Variants in EFNA2 observed in about 807,000 individuals in gnomAD.
EFNA2 encodes the protein ephrin A2, also known as ephrin-A2.
In EFNA2, 18 loss-of-function variants were observed where a neutral mutation model predicts 19.7. The ratio of observed to expected loss-of-function variants is 0.91; its 90% CI spans 0.63 to 1.35. The LOEUF is 1.35. Ranked by LOEUF, EFNA2 falls within the 40% of genes most tolerant of loss-of-function variation. EFNA2 has a pLI of 0.00. For missense variants in EFNA2, 303 were observed against 296.0 expected, an observed-to-expected ratio of 1.02 and a Z score of -0.17; for synonymous variants, 187 against 137.8, an observed-to-expected ratio of 1.36 and a Z score of -2.50.
In EFNA2 at chr19:1,300,044, A is replaced by C; in HGVS notation, c.*99A>C. On this transcript the variant is annotated 3_prime_UTR_variant, in exon 4 of 4. Coordinates refer to ENST00000215368, the MANE Select transcript of EFNA2 (RefSeq NM_001405.4). ...GGCTGCGGCCCCCGCCTCCGAGACCAAATAGAGACGCTGCTTCTCCCTCGC... is the reference window on the plus strand; with the variant it reads ...GGCTGCGGCCCCCGCCTCCGAGACCCAATAGAGACGCTGCTTCTCCCTCGC... 1 of 1,424,698 alleles carries C rather than the reference A, an allele frequency of 7.0e-7. No individual in the cohort carries two copies. The highest frequency in any genetic ancestry group is 9.2e-7 in the Non-Finnish European group (1 of 1,082,792). 88.3% of individuals were successfully genotyped at this position (1,424,698 alleles called of 1,614,324 possible).
rs1259672717 is a variant in EFNA2 at position 1,287,503 on chromosome 19, G to A, written c.140+1195G>A. 1.3e-5 allele frequency among the ~76,000 whole-genome samples: 2 copies of A among 152,106 alleles called. No homozygotes were observed. The highest frequency in any genetic ancestry group is 2.1e-4 in the South Asian group (1 of 4,826). ...GTCCCCTCTGTCTCCTGCTGTCCTCGGTCCCCGGGAGGAAAGTTGCATGAA... is the reference window on the plus strand; with the variant it reads ...GTCCCCTCTGTCTCCTGCTGTCCTCAGTCCCCGGGAGGAAAGTTGCATGAA... On this transcript the variant is annotated intron_variant, in intron 1 of 3. Coordinates refer to ENST00000215368, the MANE Select transcript of EFNA2 (RefSeq NM_001405.4). This position sits in a 1 kb window ranked among gnomAD's most constrained non-coding sequence, Gnocchi z 6.2.
rs2081471940 is a variant in EFNA2 at position 1,287,598 on chromosome 19, C to T, written c.140+1290C>T. Reference sequence around the variant, plus strand: ...CCGCCGTGGGGGTGGGGAACACGCACAGGCCCACCCCCCACCCTGGTCAAC... The same window carrying T: ...CCGCCGTGGGGGTGGGGAACACGCATAGGCCCACCCCCCACCCTGGTCAAC... On this transcript the variant is annotated intron_variant, in intron 1 of 3. Coordinates refer to ENST00000215368, the MANE Select transcript of EFNA2 (RefSeq NM_001405.4). This position sits in a 1 kb window ranked among gnomAD's most constrained non-coding sequence, Gnocchi z 6.2. Among the ~76,000 whole-genome samples the T allele has an allele frequency of 6.6e-6, 1 of 152,080 alleles. No individual in the cohort carries two copies. Among genetic ancestry groups the T allele is most frequent in the Non-Finnish European group, 1.5e-5 (1 of 67,976 alleles).
chr19:1,293,836 C>T lies in EFNA2; in HGVS notation c.141-1709C>T, dbSNP rs567823307. ...GGGGAAACTGAGGCGCAAGTGAGCA[C>T]ACCTGTCTGCCCCTTCTCACCCCTG... On this transcript the variant is annotated intron_variant, in intron 1 of 3. Coordinates refer to ENST00000215368, the MANE Select transcript of EFNA2 (RefSeq NM_001405.4). Among the ~76,000 whole-genome samples the T allele has an allele frequency of 2.6e-5, 4 of 152,376 alleles. No homozygotes were observed. The East Asian group carries it at 7.7e-4, about 29-fold the overall frequency.
chr19:1,293,206 G>C (rs2081499254), intron 1 of EFNA2, among the ~76,000 whole-genome samples: 1 of 152,238 alleles, frequency 6.6e-6, no homozygotes, highest in South Asian at 2.1e-4. Flanking sequence ...TCCCAGGCGG[G>C]AGCTGGGCCT....
intron 1 of EFNA2, among the ~76,000 whole-genome samples, chr19:1,288,606 C>T (rs1249895869): frequency 2.0e-5 from 3 of 152,062 alleles, no homozygotes; most frequent in African/African-American, 4.8e-5. Context: ...CCTGCAGGCC[C>T]GGGCAGTGCC....
rs539569407 is a variant in EFNA2, at chr19:1,288,173, C to T, written c.140+1865C>T. On this transcript the variant is annotated intron_variant, in intron 1 of 3. Transcript: ENST00000215368. ...TGCTGGGGACGGAGCCGACACCCTG[C>T]AGTGGGGCCCAGGGCTGGGTGAGCA... is the stretch of plus-strand genomic sequence containing the variant. Among the ~76,000 whole-genome samples the T allele has an allele frequency of 1.2e-4, 19 of 152,372 alleles. 1 individual carries two copies. In the South Asian group the frequency reaches 3.5e-3, roughly 28 times the overall value.
At chr19:1,290,807 G>A (rs1027716781) in intron 1 of EFNA2, among the ~76,000 whole-genome samples, 4 of 152,334 alleles carry the variant, frequency 2.6e-5, no homozygotes, top group African/African-American at 9.6e-5. Flanking sequence ...CGTCGCCCCA[G>A]ACACGCGGCT....
chr19:1,288,032 CCTGGTTGCCCAG>C (rs1316393524), intron 1 of EFNA2, among the ~76,000 whole-genome samples: 1 of 152,262 alleles, frequency 6.6e-6, no homozygotes, highest in African/African-American at 2.4e-5. Context: ...CCGGGTCTGA[CCTGGTTGCCCAG>C]CTCAAACCGC....
chr19:1,290,940 C>T, intron 1 of EFNA2, among the ~76,000 whole-genome samples: 1 of 152,218 alleles, frequency 6.6e-6, no homozygotes, highest in Admixed American at 6.5e-5. Context: ...CCAGACCAGG[C>T]TGGTGTGGGG....
rs571192215 is a variant in EFNA2 at position 1,287,752 on chromosome 19, G to T, written c.140+1444G>T. Among the ~76,000 whole-genome samples the T allele has an allele frequency of 1.4e-3, 206 of 152,370 alleles. 6 individuals are homozygous for T. The South Asian group carries it at 0.038, about 28-fold the overall frequency. On this transcript the variant is annotated intron_variant, in intron 1 of 3. Transcript: ENST00000215368. The surrounding 1 kb of genome is among the most constrained non-coding windows in gnomAD (Gnocchi z 6.2). ...ACATGTGGGTTTGATTAAGGCTGTC[G>T]CTGGCCGTGCGGGGAGTCCAGCGGG...
At chr19:1,290,757 G>A (rs906326615) in intron 1 of EFNA2, among the ~76,000 whole-genome samples, 3 of 152,200 alleles carry the variant, frequency 2.0e-5, no homozygotes, top group Non-Finnish European at 4.4e-5. Context: ...ACCTTGCTGG[G>A]GGAAGGGCTG....
At position 1,297,026 on chromosome 19, in the gene EFNA2, C is replaced by T. The variant is rs556504302; in HGVS notation, c.454+1168C>T. 2.0e-5 allele frequency among the ~76,000 whole-genome samples: 3 copies of T among 152,326 alleles called. No homozygotes were observed. Among genetic ancestry groups the T allele is most frequent in the Admixed American group, 6.5e-5 (1 of 15,300 alleles). ...TTGGCCATGATATCTGTGACCTTGGCGGGGGAATGAGGGGCCAGGCACTGC... is the reference window on the plus strand; with the variant it reads ...TTGGCCATGATATCTGTGACCTTGGTGGGGGAATGAGGGGCCAGGCACTGC... On this transcript the variant is annotated intron_variant, in intron 2 of 3. Transcript: ENST00000215368. The surrounding 1 kb of genome is among the most constrained non-coding windows in gnomAD (Gnocchi z 5.0).
chr19:1,290,118 C>T (rs986503129), intron 1 of EFNA2, among the ~76,000 whole-genome samples: 1 of 151,870 alleles, frequency 6.6e-6, no homozygotes, highest in Non-Finnish European at 1.5e-5. Flanking sequence ...GTGGGGGTGA[C>T]GGAGCCCTGC....
Position 1,295,570 on chromosome 19 carries a change from G to A in EFNA2, c.166G>A (p.Gly56Ser). The change falls in exon 2 of 4, where the codon GGC (glycine) becomes AGC (serine). Residue 56 changes from glycine to serine, a missense_variant. By Grantham distance (56) the Gly-to-Ser change is moderately conservative. Coordinates refer to ENST00000215368, the MANE Select transcript of EFNA2 (RefSeq NM_001405.4). The surrounding 1 kb of genome is among the most constrained non-coding windows in gnomAD (Gnocchi z 5.8). ...PRFHAGAGDD[G>S]GGYTVEVSIN... ...GTTCCACGCAGGCGCGGGGGACGAC[G>A]GCGGGGGCTACACGGTGGAGGTGAG... 1 of 1,597,410 alleles carries A rather than the reference G, an allele frequency of 6.3e-7. No individual in the cohort carries two copies. The highest frequency in any genetic ancestry group is 8.5e-7 in the Non-Finnish European group (1 of 1,171,334).
rs1258379437 is a variant in EFNA2, at chr19:1,296,495, T to C, written c.454+637T>C. ...GTGGACAACGTAGGGAGACCTTCTC[T>C]CTACAAAAACATAAAAACAATTAGC... On this transcript the variant is annotated intron_variant, in intron 2 of 3. Coordinates refer to ENST00000215368, the MANE Select transcript of EFNA2 (RefSeq NM_001405.4). This position sits in a 1 kb window ranked among gnomAD's most constrained non-coding sequence, Gnocchi z 4.4. Among the ~76,000 whole-genome samples the C allele has an allele frequency of 6.6e-6, 1 of 152,100 alleles. No individual in the cohort carries two copies. Among genetic ancestry groups the C allele is most frequent in the Non-Finnish European group, 1.5e-5 (1 of 67,994 alleles).
rs1234814983 is a variant in EFNA2 at position 1,286,033 on chromosome 19, G to A, written c.-136G>A. ...GCGCGCGGAGGCGGGGGCGGCCCGG[G>A]ATCTCCAAGCGCCGCCGCGCCCTCC... On this transcript the variant is annotated 5_prime_UTR_variant, in exon 1 of 4. Coordinates refer to ENST00000215368, the MANE Select transcript of EFNA2 (RefSeq NM_001405.4). The surrounding 1 kb of genome is among the most constrained non-coding windows in gnomAD (Gnocchi z 5.6). 1.8e-5 allele frequency: 3 copies of A among 167,970 alleles called. No individual in the cohort carries two copies. In the East Asian group the frequency reaches 6.0e-4, roughly 34 times the overall value. 10.4% of individuals were successfully genotyped at this position (167,970 alleles called of 1,614,324 possible).
Position 1,295,092 on chromosome 19 carries a change from G to C in EFNA2, c.141-453G>C, listed in dbSNP as rs1441471761. Among the ~76,000 whole-genome samples the C allele has an allele frequency of 2.6e-5, 4 of 152,112 alleles. No individual in the cohort carries two copies. Among genetic ancestry groups the C allele is most frequent in the African/African-American group, 9.7e-5 (4 of 41,420 alleles). ...TGGGGACACTGAGGCAGGAGGTGGG[G>C]GGCAGTGCCAGGCAAGAGATCGTGG... is the stretch of plus-strand genomic sequence containing the variant. On this transcript the variant is annotated intron_variant, in intron 1 of 3. Coordinates refer to ENST00000215368, the MANE Select transcript of EFNA2 (RefSeq NM_001405.4). This position sits in a 1 kb window ranked among gnomAD's most constrained non-coding sequence, Gnocchi z 5.8.
chr19:1,290,236 T>C (rs11878651), intron 1 of EFNA2, among the ~76,000 whole-genome samples: 18,611 of 152,040 alleles, frequency 0.12, 1,262 homozygotes, highest in Middle Eastern at 0.17. Context: ...GCAGCTCCTG[T>C]GGTGGGGAGG....
At position 1,294,223 on chromosome 19, in the gene EFNA2, G is replaced by A. The variant is rs938321277; in HGVS notation, c.141-1322G>A. 6.6e-6 allele frequency among the ~76,000 whole-genome samples: 1 copy of A among 152,190 alleles called. No individual in the cohort carries two copies. Among genetic ancestry groups the A allele is most frequent in the African/African-American group, 2.4e-5 (1 of 41,430 alleles). On this transcript the variant is annotated intron_variant, in intron 1 of 3. Coordinates refer to ENST00000215368, the MANE Select transcript of EFNA2 (RefSeq NM_001405.4). This position sits in a 1 kb window ranked among gnomAD's most constrained non-coding sequence, Gnocchi z 5.8. Reference sequence around the variant, plus strand: ...ATAAGCCCCTCTCAGGGCCCCCCTCGTGCCCCGCTTGGTCCAGGCCGCCGG... The same window carrying A: ...ATAAGCCCCTCTCAGGGCCCCCCTCATGCCCCGCTTGGTCCAGGCCGCCGG...
Sources: allele counts gnomAD v4.1 joint callset (sites outside exome capture counted in the v4.1 genomes callset), GRCh38; gene constraint gnomAD v4.1.1; non-coding constraint Gnocchi (gnomAD v3.1); transcripts MANE v1.5; gene names NCBI Gene and HGNC (gene_info 2026-07-23, HGNC 2026-07-21).